Variants in ACSM1 observed in about 807,000 individuals in gnomAD.
The protein encoded by ACSM1 is acyl-CoA synthetase medium chain family member 1, also known as acyl-coenzyme A synthetase ACSM1, mitochondrial.
A neutral mutation model predicts 75.8 loss-of-function variants in ACSM1; 79 were observed. The ratio of observed to expected loss-of-function variants is 1.04; its 90% CI spans 0.87 to 1.26. The LOEUF (loss-of-function observed/expected upper bound fraction) is 1.26, where lower values mean the gene tolerates loss of function less well. ACSM1 is among the 50% of genes most tolerant of loss of function. The pLI, the probability that ACSM1 is intolerant of heterozygous loss-of-function variation, is 0.00. For synonymous variants in ACSM1, 279 were observed against 265.8 expected, an observed-to-expected ratio of 1.05 and a Z score of -0.48; for missense variants, 676 against 720.1, an observed-to-expected ratio of 0.94 and a Z score of 0.70.
chr16:20,670,590 C>A (rs1227989564), intron 5 of ACSM1, among the ~76,000 whole-genome samples: 8 of 152,214 alleles, frequency 5.3e-5, no homozygotes, highest in African/African-American at 1.9e-4. Flanking sequence ...AGTCCAAAAT[C>A]TACTACAAGG....
In ACSM1 at chr16:20,668,520, G is replaced by C. The variant is rs150810652; in HGVS notation, c.912+1307C>G. On this transcript the variant is annotated intron_variant, in intron 6 of 13. Coordinates refer to ENST00000520010, the MANE Select transcript of ACSM1 (RefSeq NM_001318890.3). ...TAATGAGATATGGGAAGTGCAGTTTGATGTTCTGGAGGAATGATCAGATGG... is the reference window on the plus strand; with the variant it reads ...TAATGAGATATGGGAAGTGCAGTTTCATGTTCTGGAGGAATGATCAGATGG... Among the ~76,000 whole-genome samples the C allele has an allele frequency of 9.3e-4, 141 of 152,264 alleles. 1 individual carries two copies. Among genetic ancestry groups the C allele is most frequent in the African/African-American group, 3.2e-3 (133 of 41,548 alleles).
chr16:20,684,009 A>G (rs1279835708), intron 3 of ACSM1, among the ~76,000 whole-genome samples: 2 of 152,204 alleles, frequency 1.3e-5, no homozygotes, highest in African/African-American at 4.8e-5. Context: ...GTGAGAGAAT[A>G]TGAGACGGAG....
chr16:20,634,799 G>T (rs2017561580), intron 10 of ACSM1, among the ~76,000 whole-genome samples: 1 of 152,034 alleles, frequency 6.6e-6, no homozygotes, highest in South Asian at 2.1e-4. Flanking sequence ...TACTTTATTT[G>T]ATACTACTGA....
At position 20,697,650 on chromosome 16, in the gene ACSM1, G is replaced by C. The variant is rs1022575282; in HGVS notation, c.-66C>G. ...CTCTGTCTTACCTGGTACTGTTTAG[G>C]ACGTAGCTGAACTAGGTCCCTGGTA... On this transcript the variant is annotated 5_prime_UTR_variant, in exon 1 of 14. Transcript: ENST00000520010. 1.3e-5 allele frequency: 2 copies of C among 151,856 alleles called. No homozygotes were observed. The highest frequency in any genetic ancestry group is 4.9e-5 in the African/African-American group (2 of 41,076). 9.4% of individuals were successfully genotyped at this position (151,856 alleles called of 1,614,324 possible). A position where few individuals can be genotyped will look rare whatever the true frequency, so the allele number is the denominator to read the frequency against.
intron 4 of ACSM1, 64 bp downstream of exon 4, chr16:20,682,192 T>G: frequency 1.9e-6 from 3 of 1,540,752 alleles, no homozygotes; most frequent in Non-Finnish European, 2.7e-6. Context: ...CTGGTCTCTC[T>G]GATTCCTAAA....
chr16:20,640,532 G>C lies in ACSM1; in HGVS notation c.1045C>G (p.Pro349Ala). 6.2e-7 allele frequency: 1 copy of C among 1,614,098 alleles called. No homozygotes were observed. The highest frequency in any genetic ancestry group is 8.5e-7 in the Non-Finnish European group (1 of 1,180,010). ...CTTTTCCACTCCTCCTGATCCTTGG[G>C]CAACACGACCTCCCCGCCAGTATAG... ...HCYTGGEVVL[P>A]KDQEEWKRRT... The change falls in exon 8 of 14, where the codon CCC becomes GCC. Residue 349 changes from proline (P) to alanine (A), a missense_variant. Coordinates refer to ENST00000520010, the MANE Select transcript of ACSM1 (RefSeq NM_001318890.3).
chr16:20,623,978 C>A (rs573092781), intron 13 of ACSM1, 118 bp downstream of exon 13: 2 of 1,442,820 alleles, frequency 1.4e-6, no homozygotes, highest in African/African-American at 1.4e-5. Flanking sequence ...AGAAAAAGAG[C>A]CTTCAGTGTT....
chr16:20,669,780 G>C lies in ACSM1; in HGVS notation c.912+47C>G, dbSNP rs773805443. On this transcript the variant is annotated intron_variant, in intron 6 of 13. Coordinates refer to ENST00000520010, the MANE Select transcript of ACSM1 (RefSeq NM_001318890.3). ...TTTTTAGCAAGGTCCAGGAAACATG[G>C]ATTTTTTTCTGGAATTTTGCTGATA... is the stretch of plus-strand genomic sequence containing the variant. The C allele has an allele frequency of 3.1e-6, 5 of 1,591,306 alleles. No individual in the cohort carries two copies. The South Asian group carries it at 5.6e-5, about 18-fold the overall frequency.
At chr16:20,675,837 T>C (rs2152285228) in intron 4 of ACSM1, among the ~76,000 whole-genome samples, 1 of 152,268 alleles carries the variant, frequency 6.6e-6, no homozygotes, top group South Asian at 2.1e-4. Flanking sequence ...CGTTCACAGC[T>C]CACACCCAGA....
intron 4 of ACSM1, chr16:20,682,004 C>G (rs1184985796): frequency 2.6e-6 from 1 of 386,172 alleles, no homozygotes; most frequent in African/African-American, 2.0e-5. Context: ...CATGTCTCAA[C>G]TGAATAACTG....
rs1242318667 is a variant in ACSM1, at chr16:20,623,470, C to G, written c.*16G>C. ...ATTTGCCTTAGGTGTGCAGTGCGTT[C>G]TGAGTTCACTGCCGATTACATCTGA... On this transcript the variant is annotated 3_prime_UTR_variant, in exon 14 of 14. Transcript: ENST00000520010. 15 of 1,613,318 alleles carry G rather than the reference C, an allele frequency of 9.3e-6. No homozygotes were observed. The highest frequency in any genetic ancestry group is 1.3e-5 in the Non-Finnish European group (15 of 1,179,298).
chr16:20,635,847 A>G (rs1052988249), intron 10 of ACSM1, among the ~76,000 whole-genome samples: 1 of 151,996 alleles, frequency 6.6e-6, no homozygotes, highest in African/African-American at 2.4e-5. Context: ...CACTGTGTCA[A>G]CCAGGCTGGT....
chr16:20,658,144 A>C (rs1224107785), intron 7 of ACSM1, among the ~76,000 whole-genome samples: 2 of 152,178 alleles, frequency 1.3e-5, no homozygotes. Flanking sequence ...TGCTGGGTCA[A>C]ATGGTATTTC....
At chr16:20,632,036 C>G (rs2017376580) in intron 10 of ACSM1, among the ~76,000 whole-genome samples, 1 of 152,102 alleles carries the variant, frequency 6.6e-6, no homozygotes, top group African/African-American at 2.4e-5. Flanking sequence ...CATGAGGACC[C>G]CATGCTCACG....
At chr16:20,679,790 A>G (rs1333880478) in intron 4 of ACSM1, 1 of 152,194 alleles carries the variant, frequency 6.6e-6, no homozygotes. Context: ...AATCAGCTAT[A>G]TGTATGTTAT....
chr16:20,678,084 A>C (rs2079347903), intron 4 of ACSM1, among the ~76,000 whole-genome samples: 1 of 151,890 alleles, frequency 6.6e-6, no homozygotes, highest in South Asian at 2.1e-4. Flanking sequence ...CCTTCTAAAG[A>C]AGAAGCCTTA....
intron 7 of ACSM1, among the ~76,000 whole-genome samples, chr16:20,655,240 G>T (rs1359085574): frequency 8.0e-6 from 1 of 124,588 alleles, no homozygotes; most frequent in African/African-American, 3.0e-5. Context: ...ACACACCAGG[G>T]CCTGTTGTGG....
At chr16:20,676,388 C>T (rs891204369) in intron 4 of ACSM1, among the ~76,000 whole-genome samples, 2 of 152,180 alleles carry the variant, frequency 1.3e-5, no homozygotes, top group Middle Eastern at 3.2e-3. Context: ...CAGATAAAAG[C>T]ACCAGCCAGT....
chr16:20,695,246 A>G (rs2079683090), intron 1 of ACSM1, among the ~76,000 whole-genome samples: 1 of 152,152 alleles, frequency 6.6e-6, no homozygotes, highest in Non-Finnish European at 1.5e-5. Context: ...TCCCACCCAC[A>G]TAACTTGGGG....
Sources: gnomAD v4.1 joint callset for allele counts (sites outside exome capture counted in the v4.1 genomes callset) on GRCh38, gnomAD v4.1.1 for gene constraint, MANE v1.5 for transcripts, NCBI Gene and HGNC (gene_info 2026-07-23, HGNC 2026-07-21) for gene names.